The following PAQR3 variants were observed in gnomAD, a reference collection of about 807,000 sequenced individuals.
PAQR3 encodes the protein progestin and adipoQ receptor family member 3.
In PAQR3, 39 loss-of-function variants were observed where a neutral mutation model predicts 41.7. The observed-to-expected ratio is 0.93, with a 90% CI of 0.72 to 1.22. PAQR3 has a LOEUF of 1.22. PAQR3 is among the 50% of genes most tolerant of loss of function. PAQR3 has a pLI of 0.00. For synonymous variants in PAQR3, 140 were observed against 140.6 expected (o/e 1.00, Z 0.03); for missense variants, 366 against 385.6 (o/e 0.95, Z 0.42).
At chr4:78,894,629 C>T (rs150897672) in intron 11 of PAQR3, among the ~76,000 whole-genome samples, 2 of 152,338 alleles carry the variant, frequency 1.3e-5, no homozygotes, top group East Asian at 3.9e-4. Context: ...AAATTTTCTC[C>T]ATATCAGCAG....
chr4:78,938,837 A>G (rs541104186), intron 1 of PAQR3, among the ~76,000 whole-genome samples: 13 of 151,802 alleles, frequency 8.6e-5, no homozygotes, highest in Admixed American at 1.3e-4. Context: ...CACTGTTACT[A>G]TCATGATTAT....
intron 11 of PAQR3, among the ~76,000 whole-genome samples, chr4:78,896,355 A>C (rs1733702484): frequency 6.6e-6 from 1 of 152,210 alleles, no homozygotes; most frequent in Non-Finnish European, 1.5e-5. Flanking sequence ...CTTATATTTA[A>C]AAATTATATG....
At chr4:78,938,673 T>C (rs1165738431) in intron 1 of PAQR3, among the ~76,000 whole-genome samples, 1 of 152,062 alleles carries the variant, frequency 6.6e-6, no homozygotes, top group Non-Finnish European at 1.5e-5. Context: ...GCTACTGAAT[T>C]CCCACAGTGT....
At position 78,930,302 on chromosome 4, in the gene PAQR3, G is replaced by A. The variant is rs1211728519; in HGVS notation, c.372C>T (p.Gly124=). Reference sequence around the variant, plus strand: ...ACCGATGGCAGGAAAAAAGATGATAGCCCACAGAGCAAAGCATACAGACCT... The same window carrying A: ...ACCGATGGCAGGAAAAAAGATGATAACCCACAGAGCAAAGCATACAGACCT... The part of the protein sequence containing the change: ...CFQVCMLCSV[G]YHLFSCHRSE... The change falls in exon 3 of 6, where the codon GGC becomes GGT. Residue 124 remains glycine (G), a synonymous_variant. Transcript: ENST00000512733. The A allele has an allele frequency of 1.2e-6, 2 of 1,613,472 alleles. No individual in the cohort carries two copies. The highest frequency in any genetic ancestry group is 1.7e-6 in the Non-Finnish European group (2 of 1,179,804).
At chr4:78,911,204 C>T (rs763986807), downstream of PAQR3, 79 of 1,613,654 alleles carry the variant, frequency 4.9e-5, no homozygotes, top group Non-Finnish European at 6.6e-5. Flanking sequence ...CACAGGTTTC[C>T]TGCTGCAGGA....
Position 78,917,848 on chromosome 4 carries a change from T to C in PAQR3, c.*2691A>G, listed in dbSNP as rs1269363107. The C allele has an allele frequency of 1.0e-6, 1 of 985,386 alleles. No individual in the cohort carries two copies. The highest frequency in any genetic ancestry group is 1.7e-5 in the African/African-American group (1 of 57,194). 61.0% of individuals were successfully genotyped at this position (985,386 alleles called of 1,614,324 possible). On this transcript the variant is annotated 3_prime_UTR_variant, in exon 6 of 6. Transcript: ENST00000512733. ...TGTCCAGGTGGGATGCCATAAGATG[T>C]GACAGACATTCCCTGAATCTTCGTT...
At chr4:78,891,861 C>A (rs1394627645) in intron 11 of PAQR3, among the ~76,000 whole-genome samples, 1 of 152,068 alleles carries the variant, frequency 6.6e-6, no homozygotes, top group East Asian at 1.9e-4. Flanking sequence ...CTTGAGAAAT[C>A]CTTTAGTTTG....
chr4:78,911,564 A>C (rs760623713), downstream of PAQR3: 17 of 1,613,950 alleles, frequency 1.1e-5, no homozygotes, highest in East Asian at 2.2e-5. Context: ...AGCACAAAGA[A>C]GACTTTGAAG....
At chr4:78,888,163 A>G (rs992410742) in intron 11 of PAQR3, 2 of 152,192 alleles carry the variant, frequency 1.3e-5, no homozygotes, top group African/African-American at 2.4e-5. Flanking sequence ...AATATACAGG[A>G]TAGTTTTTTC....
At chr4:78,932,436 G>A (rs983142579) in intron 2 of PAQR3, among the ~76,000 whole-genome samples, 17 of 152,078 alleles carry the variant, frequency 1.1e-4, no homozygotes, top group Non-Finnish European at 1.6e-4. Flanking sequence ...AGGGCAGGTC[G>A]CAAAATAGCA....
Position 78,935,018 on chromosome 4 carries a change from G to T in PAQR3, c.348+103C>A, listed in dbSNP as rs1306533221. The stretch of plus-strand genomic sequence containing the variant: ...ATAAGCTGACCAACATGCCATTCCG[G>T]GGCTCTTTAAAGCAAGTGGTAGGTC... On this transcript the variant is annotated intron_variant, in intron 2 of 5. Transcript: ENST00000512733. The T allele has an allele frequency of 6.0e-6, 6 of 1,000,626 alleles. No homozygotes were observed. In the African/African-American group the frequency reaches 9.7e-5, roughly 16 times the overall value. 62.0% of individuals were successfully genotyped at this position (1,000,626 alleles called of 1,614,324 possible).
intron 11 of PAQR3, among the ~76,000 whole-genome samples, chr4:78,892,893 G>T (rs1733516750): frequency 6.6e-6 from 1 of 152,198 alleles, no homozygotes; most frequent in Non-Finnish European, 1.5e-5. Context: ...GCTGGTGGCA[G>T]GTCTTGCCTC....
Position 78,919,272 on chromosome 4 carries a change from T to C in PAQR3, c.*1267A>G, listed in dbSNP as rs944886654. On this transcript the variant is annotated 3_prime_UTR_variant, in exon 6 of 6. Coordinates refer to ENST00000512733, the MANE Select transcript of PAQR3 (RefSeq NM_001040202.2). The stretch of plus-strand genomic sequence containing the variant: ...ATTTAAAACAGCTCATGTCAACTCA[T>C]GAAGAAACTTGGGTAATATTTTATA... 2.0e-6 allele frequency: 2 copies of C among 984,496 alleles called. No homozygotes were observed. Among genetic ancestry groups the C allele is most frequent in the African/African-American group, 3.5e-5 (2 of 57,300 alleles). The allele number at this position is 984,496 out of a possible 1,614,324, so 61.0% of individuals were successfully genotyped here. A position where few individuals can be genotyped will look rare whatever the true frequency, so the allele number is the denominator to read the frequency against.
intron 2 of PAQR3, 57 bp downstream of exon 2, chr4:78,935,064 A>C: frequency 6.4e-7 from 1 of 1,560,406 alleles, no homozygotes; most frequent in Non-Finnish European, 8.7e-7. Context: ...TCACCTGACC[A>C]AGACTGCCTG....
At chr4:78,926,839 T>C (rs1736289215) in intron 3 of PAQR3, 121 bp from the exon 4 acceptor site, 2 of 816,888 alleles carry the variant, frequency 2.4e-6, no homozygotes, top group East Asian at 2.6e-5. Context: ...CATTTCAAAA[T>C]AGGATTATCT....
chr4:78,926,448 A>T, intron 4 of PAQR3, 73 bp downstream of exon 4: 1 of 1,347,062 alleles, frequency 7.4e-7, no homozygotes, highest in Non-Finnish European at 1.0e-6. Flanking sequence ...GCCTGATTAT[A>T]CTACTTTACC....
chr4:78,897,955 T>G (rs1733791036), intron 11 of PAQR3, among the ~76,000 whole-genome samples: 1 of 152,212 alleles, frequency 6.6e-6, no homozygotes, highest in Non-Finnish European at 1.5e-5. Context: ...ATTATTCTGT[T>G]GGTGCACAAA....
chr4:78,923,847 A>G lies in PAQR3; in HGVS notation c.793+10T>C. The G allele has an allele frequency of 6.3e-7, 1 of 1,577,658 alleles. No individual in the cohort carries two copies. The highest frequency in any genetic ancestry group is 1.1e-5 in the South Asian group (1 of 90,438). On this transcript the variant is annotated intron_variant, in intron 5 of 5. Transcript: ENST00000512733. ...TAACAATACAAAACTGCTATAAAAG[A>G]GATACCTACCTGGAAAGTACCGCTC...
At position 78,920,583 on chromosome 4, in the gene PAQR3, ACT is replaced by A; in HGVS notation, c.890_891del (p.Gln297LeufsTer4). 6.2e-7 allele frequency: 1 copy of A among 1,611,750 alleles called. No individual in the cohort carries two copies. The highest frequency in any genetic ancestry group is 8.5e-7 in the Non-Finnish European group (1 of 1,178,516). ...WWHQSTVYVM[Q>X]YRHSKPCPDY... The stretch of plus-strand genomic sequence containing the variant: ...TCAGGACAAGGCTTGCTATGTCTGT[ACT>A]GCATGACATACACTGTTGACTGATG... On this transcript the variant is annotated frameshift_variant, in exon 6 of 6. Transcript: ENST00000512733. LOFTEE classifies it high-confidence loss of function.
Sources: gnomAD v4.1 joint callset for allele counts (sites outside exome capture counted in the v4.1 genomes callset) on GRCh38, gnomAD v4.1.1 for gene constraint, MANE v1.5 for transcripts, NCBI Gene and HGNC (gene_info 2026-07-23, HGNC 2026-07-21) for gene names.